The following MMD2 variants were observed in gnomAD, a reference collection of about 807,000 sequenced individuals.
The protein encoded by MMD2 is monocyte to macrophage differentiation associated 2.
MMD2 carries 30 observed loss-of-function variants against 33.5 expected under a neutral mutation model. The ratio of observed to expected loss-of-function variants is 0.90; its 90% confidence interval spans 0.67 to 1.22. The LOEUF is 1.22. Among genes scored for constraint, MMD2 ranks in the 50% most tolerant of loss-of-function variants. The probability of loss-of-function intolerance (pLI) is 0.00; values close to 1 mark genes in which losing one functional copy is unlikely to be tolerated. For missense variants in MMD2, 364 were observed against 325.4 expected (o/e 1.12, Z -0.91); for synonymous variants, 129 against 123.0 (o/e 1.05, Z -0.32).
intron 1 of MMD2, among the ~76,000 whole-genome samples, chr7:4,953,510 G>A (rs958433600): frequency 3.4e-5 from 5 of 146,526 alleles, no homozygotes; most frequent in African/African-American, 1.3e-4. Flanking sequence ...TCACTCTATC[G>A]CCCAGGCTGG....
chr7:4,921,966 T>C (rs918878906), intron 2 of MMD2, among the ~76,000 whole-genome samples: 11 of 152,154 alleles, frequency 7.2e-5, no homozygotes, highest in African/African-American at 2.7e-4. Context: ...GGCTCACACC[T>C]GTAATCCCAG....
At chr7:4,947,803 G>A (rs1307934441) in intron 1 of MMD2, among the ~76,000 whole-genome samples, 2 of 144,978 alleles carry the variant, frequency 1.4e-5, no homozygotes, top group Non-Finnish European at 1.5e-5. Context: ...GGGTTCAAGC[G>A]ATTTTCCTGC....
chr7:4,945,185 T>TTCTCCTTCTTCTTC (rs1554273338), intron 1 of MMD2, among the ~76,000 whole-genome samples: 1 of 93,480 alleles, frequency 1.1e-5, no homozygotes, highest in South Asian at 5.2e-4. Flanking sequence ...CCTCTTCCTC[T>TTCTCCTTCTTCTTC]TTCTTCTTCT....
At chr7:4,952,232 G>A (rs1248880420) in intron 1 of MMD2, among the ~76,000 whole-genome samples, 1 of 152,208 alleles carries the variant, frequency 6.6e-6, no homozygotes, top group Non-Finnish European at 1.5e-5. Flanking sequence ...AGGACATGTG[G>A]GGCCATCCCC....
chr7:4,925,771 A>T (rs1225200974), intron 1 of MMD2, among the ~76,000 whole-genome samples: 1 of 152,178 alleles, frequency 6.6e-6, no homozygotes, highest in Non-Finnish European at 1.5e-5. Flanking sequence ...TATTTGTTAC[A>T]AAATTTTACT....
chr7:4,909,596 C>T (rs1784953726), intron 6 of MMD2: 1 of 626,588 alleles, frequency 1.6e-6, no homozygotes, highest in Non-Finnish European at 2.9e-6. Context: ...GTGTGCACCA[C>T]ATCTGGCTAA....
chr7:4,945,411 G>A (rs1786047671), intron 1 of MMD2, among the ~76,000 whole-genome samples: 1 of 150,958 alleles, frequency 6.6e-6, no homozygotes, highest in South Asian at 2.1e-4. Flanking sequence ...TGGGACTACA[G>A]GTGCCCGCCA....
downstream of MMD2, among the ~76,000 whole-genome samples, chr7:4,905,620 T>C (rs1784852881): frequency 6.6e-6 from 1 of 152,100 alleles, no homozygotes; most frequent in Non-Finnish European, 1.5e-5. This position sits in a 1 kb window ranked among gnomAD's most constrained non-coding sequence, Gnocchi z 5.0. Flanking sequence ...TGCCACGCCT[T>C]GGGAGGTCTC....
chr7:4,903,094 T>TG (rs2115077417), downstream of MMD2, among the ~76,000 whole-genome samples: 1 of 152,114 alleles, frequency 6.6e-6, no homozygotes, highest in South Asian at 2.1e-4. Context: ...ACAAATTAGC[T>TG]GGGTGTGGTG....
rs1167983741 is a variant in MMD2, at chr7:4,959,159, C to T, written c.-142G>A. 9.9e-6 allele frequency: 5 copies of T among 504,506 alleles called. No homozygotes were observed. Among genetic ancestry groups the T allele is most frequent in the Admixed American group, 1.0e-4 (2 of 19,132 alleles). 31.3% of individuals were successfully genotyped at this position (504,506 alleles called of 1,614,324 possible). On this transcript the variant is annotated 5_prime_UTR_variant, in exon 1 of 7. Transcript: ENST00000401401. The stretch of plus-strand genomic sequence containing the variant: ...CCTGGTCGGCGCCCGGAGCCGGAGC[C>T]GGAGCCCGAGCCGGAGCTGGAGGCG...
intron 1 of MMD2, among the ~76,000 whole-genome samples, chr7:4,951,968 C>G (rs982417764): frequency 2.6e-5 from 4 of 152,038 alleles, no homozygotes; most frequent in African/African-American, 9.7e-5. Context: ...AACTCCTGGG[C>G]TCTAGTGATC....
intron 3 of MMD2, among the ~76,000 whole-genome samples, chr7:4,919,874 C>T (rs952578007): frequency 1.4e-4 from 21 of 152,150 alleles, no homozygotes; most frequent in African/African-American, 5.1e-4. Flanking sequence ...CCTGCCTGGG[C>T]TACAGAGTGA....
chr7:4,915,863 G>T (rs1415677249), intron 4 of MMD2, 142 bp downstream of exon 4: 1 of 646,678 alleles, frequency 1.5e-6, no homozygotes, highest in African/African-American at 2.0e-5. Context: ...CTGCTTCCAG[G>T]AAGGAAAAAA....
rs186956072 is a variant in MMD2 at position 4,945,378 on chromosome 7, C to G, written c.47+13593G>C. On this transcript the variant is annotated intron_variant, in intron 1 of 6. Transcript: ENST00000401401. ...CTGCCTCCCGGGTTCAAGCAATTCT[C>G]CTGCCTCAGCCTCCGGAGTGGCTGG... 3.2e-3 allele frequency among the ~76,000 whole-genome samples: 488 copies of G among 151,170 alleles called. 2 individuals are homozygous for G. Among genetic ancestry groups the G allele is most frequent in the African/African-American group, 0.011 (456 of 41,118 alleles).
At chr7:4,927,601 G>A (rs1785467000) in intron 1 of MMD2, among the ~76,000 whole-genome samples, 1 of 152,002 alleles carries the variant, frequency 6.6e-6, no homozygotes, top group Non-Finnish European at 1.5e-5. Context: ...CAGCTACTTG[G>A]GAGGCTGAGG....
At chr7:4,952,503 C>T (rs1786273306) in intron 1 of MMD2, among the ~76,000 whole-genome samples, 1 of 152,190 alleles carries the variant, frequency 6.6e-6, no homozygotes, top group Admixed American at 6.5e-5. Flanking sequence ...CCCGAACCTC[C>T]GCCCAACACT....
chr7:4,938,002 C>CTTTTTTTTTTTTTTTTTTTTTT (rs1165504272), intron 1 of MMD2, among the ~76,000 whole-genome samples: 3 of 45,646 alleles, frequency 6.6e-5, no homozygotes, highest in Non-Finnish European at 7.1e-5. Flanking sequence ...TTCTTTCTTT[C>CTTTTTTTTTTTTTTTTTTTTTT]TTTTTTTTTT....
intron 1 of MMD2, among the ~76,000 whole-genome samples, chr7:4,941,415 G>A (rs1785905683): frequency 6.6e-6 from 1 of 152,062 alleles, no homozygotes; most frequent in African/African-American, 2.4e-5. Context: ...GGATCACTTG[G>A]GGCCAGGAAT....
chr7:4,952,475 T>C lies in MMD2; in HGVS notation c.47+6496A>G, dbSNP rs564830650. On this transcript the variant is annotated intron_variant, in intron 1 of 6. Coordinates refer to ENST00000401401, the MANE Select transcript of MMD2 (RefSeq NM_198403.4). Reference sequence around the variant, plus strand: ...CTGAAAGAACAGCTCCCCCCAGGCATAGGCCGGGCGGCCACTGCCCGAACC... The same window carrying C: ...CTGAAAGAACAGCTCCCCCCAGGCACAGGCCGGGCGGCCACTGCCCGAACC... 5.3e-5 allele frequency among the ~76,000 whole-genome samples: 8 copies of C among 152,196 alleles called. No homozygotes were observed. The East Asian group carries it at 9.6e-4, about 18-fold the overall frequency.
Sources: allele counts gnomAD v4.1 joint callset (sites outside exome capture counted in the v4.1 genomes callset), GRCh38; gene constraint gnomAD v4.1.1; non-coding constraint Gnocchi (gnomAD v3.1); transcripts MANE v1.5; gene names NCBI Gene and HGNC (gene_info 2026-07-23, HGNC 2026-07-21).